The following NOS1AP variants were observed in gnomAD, a reference collection of about 807,000 sequenced individuals.
NOS1AP encodes the protein carboxyl-terminal PDZ ligand of neuronal nitric oxide synthase protein.
In NOS1AP, 21 loss-of-function variants were observed where a neutral mutation model predicts 56.2. The observed-to-expected ratio is 0.37, with a 90% confidence interval of 0.26 to 0.54. The LOEUF (loss-of-function observed/expected upper bound fraction) is 0.54. NOS1AP is among the 20% of genes least tolerant of loss of function. The pLI is 0.84. For missense variants in NOS1AP, 522 were observed against 657.8 expected, an observed-to-expected ratio of 0.79 and a Z score of 2.26; for synonymous variants, 270 against 274.6, an observed-to-expected ratio of 0.98 and a Z score of 0.17.
At chr1:162,251,761 C>T (rs956457326) in intron 2 of NOS1AP, among the ~76,000 whole-genome samples, 1 of 151,308 alleles carries the variant, frequency 6.6e-6, no homozygotes, top group East Asian at 1.9e-4. Context: ...GATCATGGCT[C>T]ACTGTAGCCT....
chr1:162,289,469 C>CTTTTTTTT (rs60010458), intron 3 of NOS1AP, among the ~76,000 whole-genome samples: 1 of 85,450 alleles, frequency 1.2e-5, no homozygotes, highest in African/African-American at 5.0e-5. Context: ...AGCTACTTTT[C>CTTTTTTTT]TTTTTTTTTT....
chr1:162,088,601 T>C (rs993518071), intron 1 of NOS1AP, among the ~76,000 whole-genome samples: 3 of 152,264 alleles, frequency 2.0e-5, no homozygotes, highest in African/African-American at 4.8e-5. Context: ...AAACCAGCAC[T>C]TATCTCCCTG....
intron 1 of NOS1AP, among the ~76,000 whole-genome samples, chr1:162,108,206 CA>C (rs1647583381): frequency 1.3e-5 from 2 of 152,122 alleles, no homozygotes; most frequent in Non-Finnish European, 2.9e-5. Context: ...AGGAGATATA[CA>C]AGATGTGCCT....
At chr1:162,082,403 C>T (rs1335664113) in intron 1 of NOS1AP, among the ~76,000 whole-genome samples, 1 of 152,168 alleles carries the variant, frequency 6.6e-6, no homozygotes, top group African/African-American at 2.4e-5. Context: ...TGAACATACA[C>T]ATGCATGTGT....
intron 4 of NOS1AP, among the ~76,000 whole-genome samples, chr1:162,329,885 C>A (rs1656710024): frequency 6.6e-6 from 1 of 152,224 alleles, no homozygotes; most frequent in Admixed American, 6.5e-5. Context: ...TTAATAACAA[C>A]ACGCTAAGTT....
intron 4 of NOS1AP, among the ~76,000 whole-genome samples, chr1:162,322,648 A>T (rs1292316713): frequency 6.6e-6 from 1 of 152,334 alleles, no homozygotes; most frequent in South Asian, 2.1e-4. Flanking sequence ...GTGGACAATC[A>T]GTCAGGGATG....
At chr1:162,122,559 G>A (rs890284257) in intron 1 of NOS1AP, among the ~76,000 whole-genome samples, 4 of 150,700 alleles carry the variant, frequency 2.7e-5, no homozygotes, top group Non-Finnish European at 4.4e-5. Context: ...CCAGGTTGGA[G>A]TGTAGTGGCA....
intron 4 of NOS1AP, among the ~76,000 whole-genome samples, chr1:162,308,990 C>A (rs1228117042): frequency 6.6e-6 from 1 of 152,206 alleles, no homozygotes; most frequent in Non-Finnish European, 1.5e-5. Context: ...CACTTTTGCC[C>A]ATTTTGTTTT....
chr1:162,178,429 A>G (rs1016429186), intron 2 of NOS1AP, among the ~76,000 whole-genome samples: 1 of 152,344 alleles, frequency 6.6e-6, no homozygotes, highest in Non-Finnish European at 1.5e-5. Flanking sequence ...ATTTTATTTA[A>G]AAATATGTTT....
chr1:162,124,759 G>T (rs897817466), intron 1 of NOS1AP, among the ~76,000 whole-genome samples: 2 of 152,066 alleles, frequency 1.3e-5, no homozygotes, highest in Non-Finnish European at 2.9e-5. Flanking sequence ...CTGACCTCAG[G>T]TGATCTGCCC....
chr1:162,074,545 T>C (rs1182001149), intron 1 of NOS1AP, among the ~76,000 whole-genome samples: 1 of 152,134 alleles, frequency 6.6e-6, no homozygotes, highest in Admixed American at 6.5e-5. Context: ...GGTCACATAG[T>C]CAGATAATAA....
intron 4 of NOS1AP, among the ~76,000 whole-genome samples, chr1:162,305,926 T>C (rs765073491): frequency 7.2e-5 from 11 of 152,250 alleles, no homozygotes; most frequent in Non-Finnish European, 1.5e-4. Context: ...ACTTTACATA[T>C]ATTAATGTTC....
intron 4 of NOS1AP, among the ~76,000 whole-genome samples, chr1:162,314,544 C>G (rs1000575084): frequency 1.3e-5 from 2 of 152,140 alleles, no homozygotes; most frequent in Non-Finnish European, 2.9e-5. Flanking sequence ...AGAATTTGTG[C>G]AAAACATTGA....
chr1:162,245,792 T>C (rs150748657), intron 2 of NOS1AP, among the ~76,000 whole-genome samples: 20 of 152,380 alleles, frequency 1.3e-4, no homozygotes, highest in East Asian at 7.7e-4. Flanking sequence ...TCAGAATGTC[T>C]TTAAGTATTC....
intron 4 of NOS1AP, among the ~76,000 whole-genome samples, chr1:162,318,956 A>G (rs573877931): frequency 6.6e-6 from 1 of 152,232 alleles, no homozygotes; most frequent in South Asian, 2.1e-4. Context: ...TCACACCCAG[A>G]GAAATGATTC....
At chr1:162,232,121 G>A (rs377352561) in intron 2 of NOS1AP, among the ~76,000 whole-genome samples, 23 of 152,246 alleles carry the variant, frequency 1.5e-4, no homozygotes, top group East Asian at 5.8e-4. Flanking sequence ...CAATTTGGTC[G>A]CAATTTGAGA....
intron 2 of NOS1AP, among the ~76,000 whole-genome samples, chr1:162,172,170 G>A (rs761433875): frequency 3.3e-5 from 5 of 152,196 alleles, no homozygotes; most frequent in African/African-American, 4.8e-5. Context: ...AACCCATGAC[G>A]GGTTGTGGGG....
chr1:162,289,210 T>C (rs1001736126), intron 3 of NOS1AP, among the ~76,000 whole-genome samples: 4 of 15,102 alleles, frequency 2.6e-4, no homozygotes, highest in Non-Finnish European at 6.0e-4. Flanking sequence ...CTTCCTTCCT[T>C]TCCTTCCTTC....
intron 1 of NOS1AP, among the ~76,000 whole-genome samples, chr1:162,129,160 G>A (rs1648632239): frequency 1.3e-5 from 2 of 151,946 alleles, no homozygotes; most frequent in Admixed American, 6.6e-5. Context: ...CTGTGTGTTC[G>A]TTCCTCTTTA....
Sources: allele counts gnomAD v4.1 joint callset (sites outside exome capture counted in the v4.1 genomes callset), GRCh38; gene constraint gnomAD v4.1.1; transcripts MANE v1.5; gene names NCBI Gene and HGNC (gene_info 2026-07-23, HGNC 2026-07-21).